The following NOS1AP variants were observed in gnomAD, a reference collection of about 807,000 sequenced individuals.
NOS1AP encodes the protein carboxyl-terminal PDZ ligand of neuronal nitric oxide synthase protein.
A neutral mutation model predicts 56.2 loss-of-function variants in NOS1AP; 21 were observed. That is an observed-to-expected ratio of 0.37 (90% CI 0.26 to 0.54). The LOEUF is 0.54. Among genes scored for constraint, NOS1AP ranks in the 20% least tolerant of loss-of-function variants. The pLI, the probability that NOS1AP is intolerant of heterozygous loss-of-function variation, is 0.84. For missense variants in NOS1AP, 522 were observed against 657.8 expected (o/e 0.79, Z 2.26); for synonymous variants, 270 against 274.6 (o/e 0.98, Z 0.17).
chr1:162,083,419 T>A (rs1416482792), intron 1 of NOS1AP, among the ~76,000 whole-genome samples: 1 of 152,212 alleles, frequency 6.6e-6, no homozygotes, highest in Admixed American at 6.5e-5. Flanking sequence ...GCAATTTTTT[T>A]ATTTGGAGAC....
chr1:162,358,404 A>G (rs1012991580), intron 8 of NOS1AP, among the ~76,000 whole-genome samples: 1 of 152,226 alleles, frequency 6.6e-6, no homozygotes, highest in African/African-American at 2.4e-5. Flanking sequence ...TCAGGAGAGT[A>G]GAGTCAATGG....
chr1:162,169,514 TCAGA>T (rs769653933), intron 2 of NOS1AP, among the ~76,000 whole-genome samples: 12 of 152,202 alleles, frequency 7.9e-5, no homozygotes, highest in Non-Finnish European at 1.8e-4. Flanking sequence ...AGCTGGGCAC[TCAGA>T]CAGCTGCTTT....
chr1:162,249,850 C>T (rs879736752), intron 2 of NOS1AP, among the ~76,000 whole-genome samples: 3 of 152,078 alleles, frequency 2.0e-5, no homozygotes, highest in Non-Finnish European at 2.9e-5. Context: ...TCAGTGGGCA[C>T]GAGAGGGGGA....
At chr1:162,242,656 A>G (rs1653523629) in intron 2 of NOS1AP, among the ~76,000 whole-genome samples, 1 of 152,194 alleles carries the variant, frequency 6.6e-6, no homozygotes, top group Non-Finnish European at 1.5e-5. Context: ...CCTGACCCAC[A>G]AGAGTCTGAG....
chr1:162,362,267 A>G lies in NOS1AP; in HGVS notation c.940-3137A>G, dbSNP rs184220123. ...GGAGTTTGAGACCAGCCCGGCCAAC[A>G]TGGGGAAACCCCGTCTCTACTAAAA... On this transcript the variant is annotated intron_variant, in intron 8 of 9. Coordinates refer to ENST00000361897, the MANE Select transcript of NOS1AP (RefSeq NM_014697.3). 3.8e-3 allele frequency among the ~76,000 whole-genome samples: 584 copies of G among 152,274 alleles called. 6 individuals carry two copies. The highest frequency in any genetic ancestry group is 0.014 in the African/African-American group (562 of 41,550).
intron 2 of NOS1AP, among the ~76,000 whole-genome samples, chr1:162,190,646 CTT>C (rs1297722283): frequency 6.6e-6 from 1 of 152,070 alleles, no homozygotes; most frequent in Non-Finnish European, 1.5e-5. Context: ...CTATCTGAAA[CTT>C]TATATATTAT....
At chr1:162,150,016 T>A (rs935748442) in intron 1 of NOS1AP, among the ~76,000 whole-genome samples, 1 of 152,240 alleles carries the variant, frequency 6.6e-6, no homozygotes, top group Non-Finnish European at 1.5e-5. Context: ...TATTTTTAAA[T>A]GTACAATAAG....
intron 1 of NOS1AP, among the ~76,000 whole-genome samples, chr1:162,109,110 A>G (rs1298972898): frequency 6.6e-6 from 1 of 152,232 alleles, no homozygotes; most frequent in Non-Finnish European, 1.5e-5. Context: ...ATTCACTACC[A>G]TGAGAACAGT....
intron 1 of NOS1AP, among the ~76,000 whole-genome samples, chr1:162,120,186 C>A (rs905135561): frequency 6.6e-6 from 1 of 151,894 alleles, no homozygotes. Flanking sequence ...CTGAATAATT[C>A]TTTAAGCTGT....
chr1:162,350,624 G>A (rs1399382624), intron 6 of NOS1AP, among the ~76,000 whole-genome samples: 2 of 152,302 alleles, frequency 1.3e-5, no homozygotes, highest in East Asian at 3.9e-4. Flanking sequence ...GAGCCTTTTG[G>A]CAAAATAGAC....
chr1:162,177,972 C>T (rs1193405603), intron 2 of NOS1AP, among the ~76,000 whole-genome samples: 1 of 152,186 alleles, frequency 6.6e-6, no homozygotes, highest in Non-Finnish European at 1.5e-5. Context: ...GTTTCACTGC[C>T]ATAAAAATCC....
intron 4 of NOS1AP, among the ~76,000 whole-genome samples, chr1:162,310,207 TA>T: frequency 6.6e-6 from 1 of 152,158 alleles, no homozygotes; most frequent in South Asian, 2.1e-4. Flanking sequence ...CAAAGGGTCA[TA>T]AAAAAAATCA....
At chr1:162,212,353 T>A (rs1362282426) in intron 2 of NOS1AP, among the ~76,000 whole-genome samples, 1 of 152,232 alleles carries the variant, frequency 6.6e-6, no homozygotes, top group Non-Finnish European at 1.5e-5. Context: ...ATTTAGCACC[T>A]GTGCTGGGTG....
At chr1:162,302,964 T>G (rs1217121710) in intron 4 of NOS1AP, among the ~76,000 whole-genome samples, 1 of 152,214 alleles carries the variant, frequency 6.6e-6, no homozygotes, top group Non-Finnish European at 1.5e-5. Context: ...CATAATTTAT[T>G]TTGAGATTCA....
intron 2 of NOS1AP, among the ~76,000 whole-genome samples, chr1:162,264,451 T>TCTCCTCTCC (rs1411025665): frequency 0.023 from 412 of 18,182 alleles, 32 homozygotes; most frequent in African/African-American, 0.02. Flanking sequence ...TTCTCTTCTC[T>TCTCCTCTCC]TCTCTTCTCT....
intron 4 of NOS1AP, among the ~76,000 whole-genome samples, chr1:162,311,604 T>C (rs1369012431): frequency 6.6e-6 from 1 of 151,856 alleles, no homozygotes; most frequent in Non-Finnish European, 1.5e-5. Flanking sequence ...AATTATACTT[T>C]AAGTTTTAGG....
intron 4 of NOS1AP, among the ~76,000 whole-genome samples, chr1:162,321,300 C>T (rs2101780716): frequency 6.6e-6 from 1 of 152,170 alleles, no homozygotes; most frequent in Non-Finnish European, 1.5e-5. Flanking sequence ...TTCACAATAG[C>T]AAAGACTTGG....
chr1:162,361,051 T>C, intron 8 of NOS1AP: 1 of 394,854 alleles, frequency 2.5e-6, no homozygotes, highest in East Asian at 7.2e-5. Flanking sequence ...TGTGTCATGA[T>C]GAGGCCAGAG....
At chr1:162,354,257 A>G (rs2101818315) in intron 6 of NOS1AP, among the ~76,000 whole-genome samples, 1 of 152,332 alleles carries the variant, frequency 6.6e-6, no homozygotes, top group South Asian at 2.1e-4. Context: ...GGTCTCTGAA[A>G]ACTCATGAGA....
Sources: gnomAD v4.1 joint callset for allele counts (sites outside exome capture counted in the v4.1 genomes callset) on GRCh38, gnomAD v4.1.1 for gene constraint, MANE v1.5 for transcripts, NCBI Gene and HGNC (gene_info 2026-07-23, HGNC 2026-07-21) for gene names.